The following DOCK5 variants were observed in gnomAD, a reference collection of about 807,000 sequenced individuals.
DOCK5 encodes dedicator of cytokinesis 5, also known as dedicator of cytokinesis protein 5.
In DOCK5, 142 loss-of-function variants were observed where a neutral mutation model predicts 251.8. The ratio of observed to expected loss-of-function variants is 0.56; its 90% CI spans 0.49 to 0.65. The LOEUF is 0.65. Ranked by LOEUF, DOCK5 falls within the 30% of genes least tolerant of loss-of-function variation. The pLI is 0.00. For synonymous variants in DOCK5, 842 were observed against 835.5 expected (o/e 1.01, Z -0.13); for missense variants, 2,111 against 2,312.3 (o/e 0.91, Z 1.79).
chr8:25,375,561 T>G lies in DOCK5; in HGVS notation c.3816+907T>G, dbSNP rs73562366. On this transcript the variant is annotated intron_variant, in intron 37 of 51. Transcript: ENST00000276440. ...GCCAATCCACTTTTCTTTATCTCCC[T>G]GACTACCACCTTGGTCCATCCCGTA... is the stretch of plus-strand genomic sequence containing the variant. 3.7e-3 allele frequency: 1,603 copies of G among 430,490 alleles called. 27 individuals carry two copies. Among genetic ancestry groups the G allele is most frequent in the African/African-American group, 0.032 (1,503 of 46,616 alleles). The allele number at this position is 430,490 out of a possible 1,614,324, so 26.7% of individuals were successfully genotyped here.
intron 1 of DOCK5, among the ~76,000 whole-genome samples, chr8:25,194,104 GGC>G (rs907610536): frequency 3.4e-5 from 5 of 148,136 alleles, no homozygotes; most frequent in Non-Finnish European, 5.9e-5. Context: ...TGGCCAACAT[GGC>G]GAAACCCTAT....
At chr8:25,370,409 A>G (rs1363505618) in intron 34 of DOCK5, among the ~76,000 whole-genome samples, 1 of 152,224 alleles carries the variant, frequency 6.6e-6, no homozygotes, top group Non-Finnish European at 1.5e-5. Flanking sequence ...TGAGAATTAC[A>G]GGAGATGATG....
At chr8:25,226,587 TA>T (rs1802537507) in intron 1 of DOCK5, among the ~76,000 whole-genome samples, 1 of 146,782 alleles carries the variant, frequency 6.8e-6, no homozygotes, top group Non-Finnish European at 1.5e-5. Flanking sequence ...TTTTTAATTT[TA>T]AGTTTTTTTT....
At position 25,414,718 on chromosome 8, in the gene DOCK5, G is replaced by T. The variant is rs13253074; in HGVS notation, c.*3420G>T. The T allele has an allele frequency of 6.6e-6, 1 of 152,080 alleles. No individual in the cohort carries two copies. The highest frequency in any genetic ancestry group is 2.1e-4 in the South Asian group (1 of 4,826). 9.4% of individuals were successfully genotyped at this position (152,080 alleles called of 1,614,324 possible). ...GACATACACTGTTTTCAGCACCCCA[G>T]AAAGTTCCCACATGCCCATGGTGCC... On this transcript the variant is annotated 3_prime_UTR_variant, in exon 52 of 52. Coordinates refer to ENST00000276440, the MANE Select transcript of DOCK5 (RefSeq NM_024940.8).
At chr8:25,213,211 C>T (rs999106887) in intron 1 of DOCK5, among the ~76,000 whole-genome samples, 2 of 151,958 alleles carry the variant, frequency 1.3e-5, no homozygotes, top group South Asian at 2.1e-4. Context: ...GGAAGGTCTC[C>T]GTGTTTCCAG....
intron 6 of DOCK5, among the ~76,000 whole-genome samples, chr8:25,295,431 A>T (rs980329097): frequency 1.3e-5 from 2 of 152,184 alleles, no homozygotes; most frequent in African/African-American, 4.8e-5. Context: ...TTGAAGGGTA[A>T]GGAATGTATA....
At chr8:25,217,401 A>G (rs1802276062) in intron 1 of DOCK5, among the ~76,000 whole-genome samples, 1 of 152,044 alleles carries the variant, frequency 6.6e-6, no homozygotes, top group African/African-American at 2.4e-5. Context: ...CGGGGAACTG[A>G]AGTTAGGGGT....
intron 26 of DOCK5, among the ~76,000 whole-genome samples, chr8:25,345,994 C>T (rs374323455): frequency 3.3e-5 from 5 of 152,162 alleles, no homozygotes; most frequent in Middle Eastern, 3.2e-3. Flanking sequence ...GGACTACAGG[C>T]GCCCGCCACC....
chr8:25,257,728 T>A (rs1803455472), intron 2 of DOCK5, among the ~76,000 whole-genome samples: 2 of 152,172 alleles, frequency 1.3e-5, no homozygotes, highest in Non-Finnish European at 2.9e-5. Context: ...TCCCATAGCC[T>A]CTAGCATAAC....
At chr8:25,313,036 T>C (rs1708854847) in intron 13 of DOCK5, among the ~76,000 whole-genome samples, 1 of 152,084 alleles carries the variant, frequency 6.6e-6, no homozygotes, top group South Asian at 2.1e-4. Flanking sequence ...GATTCCCAGA[T>C]TTCTAGAGAC....
intron 32 of DOCK5, 30 bp downstream of exon 32, chr8:25,368,280 CACA>C (rs1800813666): frequency 6.3e-7 from 1 of 1,593,308 alleles, no homozygotes; most frequent in Non-Finnish European, 8.6e-7. Context: ...CAGGCCTGAT[CACA>C]ACCTCTGAGT....
chr8:25,334,712 TAAAAA>T (rs551681119), intron 21 of DOCK5, among the ~76,000 whole-genome samples: 2 of 126,790 alleles, frequency 1.6e-5, no homozygotes, highest in African/African-American at 2.9e-5. Flanking sequence ...ACTTAGTATC[TAAAAA>T]AAAAAAAAAA....
chr8:25,410,972 T>TGTGTGTGTGTGTGTGCGC (rs1331552371), intron 51 of DOCK5, among the ~76,000 whole-genome samples: 2 of 19,166 alleles, frequency 1.0e-4, no homozygotes, highest in Non-Finnish European at 2.3e-4. Context: ...TGTGTGTGTG[T>TGTGTGTGTGTGTGTGCGC]GCGCGCGCGC....
At chr8:25,299,245 A>G (rs1228455627) in intron 8 of DOCK5, 144 bp downstream of exon 8, 13 of 955,920 alleles carry the variant, frequency 1.4e-5, no homozygotes, top group African/African-American at 6.7e-5. Context: ...ATGTAAAATC[A>G]TATGGTCTAT....
intron 6 of DOCK5, among the ~76,000 whole-genome samples, chr8:25,296,112 G>T (rs934274142): frequency 6.6e-6 from 1 of 152,092 alleles, no homozygotes; most frequent in Non-Finnish European, 1.5e-5. Context: ...GAACCACGAC[G>T]CCTGGCAAAG....
At chr8:25,238,599 T>C (rs970706102) in intron 1 of DOCK5, among the ~76,000 whole-genome samples, 1 of 152,192 alleles carries the variant, frequency 6.6e-6, no homozygotes, top group African/African-American at 2.4e-5. Context: ...ATGAATCTCT[T>C]TGAAAGCTTA....
At position 25,377,368 on chromosome 8, in the gene DOCK5, C is replaced by T. The variant is rs568854508; in HGVS notation, c.3880C>T (p.Gln1294Ter). The T allele has an allele frequency of 6.2e-7, 1 of 1,613,668 alleles. No homozygotes were observed. Among genetic ancestry groups the T allele is most frequent in the Non-Finnish European group, 8.5e-7 (1 of 1,179,774 alleles). Residue 1294 changes from glutamine (Q) to a stop codon, truncating the protein, a stop_gained, in exon 38 of 52, where the codon CAA (glutamine) becomes TAA (stop). Transcript: ENST00000276440. LOFTEE classifies it high-confidence loss of function. ...QKDSYYVYTQ[Q>*]ELKEKLYQEI... is the part of the protein sequence containing the mutation. ...GGACAGTTACTATGTTTATACCCAGCAAGAGCTTAAAGAGAAGCTGTATCA... is the reference window on the plus strand; with the variant it reads ...GGACAGTTACTATGTTTATACCCAGTAAGAGCTTAAAGAGAAGCTGTATCA...
chr8:25,328,274 A>C (rs1805608225), intron 18 of DOCK5, among the ~76,000 whole-genome samples: 1 of 152,088 alleles, frequency 6.6e-6, no homozygotes, highest in African/African-American at 2.4e-5. Context: ...ATTACAAAGA[A>C]GGGTTAAAAA....
At chr8:25,384,447 A>AT (rs1563225050) in intron 40 of DOCK5, among the ~76,000 whole-genome samples, 4 of 25,288 alleles carry the variant, frequency 1.6e-4, no homozygotes, top group Non-Finnish European at 3.5e-4. Flanking sequence ...TTATTTATTT[A>AT]TTTATTTATT....
Sources: gnomAD v4.1 joint callset for allele counts (sites outside exome capture counted in the v4.1 genomes callset) on GRCh38, gnomAD v4.1.1 for gene constraint, MANE v1.5 for transcripts, NCBI Gene and HGNC (gene_info 2026-07-23, HGNC 2026-07-21) for gene names.